Variants in NEIL1 observed in about 807,000 individuals in gnomAD.
NEIL1 encodes the protein nei like DNA glycosylase 1.
Under a neutral mutation model 44.2 loss-of-function variants are expected in NEIL1, and 31 were observed. The observed-to-expected ratio is 0.70, with a 90% CI of 0.53 to 0.95. NEIL1 has a LOEUF of 0.95. Among genes scored for constraint, NEIL1 ranks in the 40% least tolerant of loss-of-function variants. The pLI, the probability that NEIL1 is intolerant of heterozygous loss-of-function variation, is 0.00. For synonymous variants in NEIL1, 254 were observed against 209.7 expected (o/e 1.21, Z -1.83); for missense variants, 549 against 515.5 (o/e 1.07, Z -0.63).
chr15:75,350,417 G>A (rs1249970663), intron 2 of NEIL1, among the ~76,000 whole-genome samples: 1 of 152,174 alleles, frequency 6.6e-6, no homozygotes, highest in Non-Finnish European at 1.5e-5. Flanking sequence ...TTGGCCGAGG[G>A]TGGGGGTACA....
chr15:75,356,078 G>T lies in NEIL1; in HGVS notation c.*1044G>T, dbSNP rs186846962. On this transcript the variant is annotated 3_prime_UTR_variant, in exon 10 of 10. Coordinates refer to ENST00000355059, the MANE Select transcript of NEIL1 (RefSeq NM_024608.4). The surrounding 1 kb of genome is among the most constrained non-coding windows in gnomAD (Gnocchi z 5.8). ...TGAAGGCTCTGCGAGGGCGAGACTC[G>T]ACCCCCGCCCCAATCCCACACCGCC... 2.5e-6 allele frequency: 4 copies of T among 1,613,302 alleles called. No individual in the cohort carries two copies. In the South Asian group the frequency reaches 4.4e-5, roughly 18 times the overall value.
chr15:75,354,417 C>T lies in NEIL1; in HGVS notation c.875-14C>T, dbSNP rs750983114. ...AGGATAGGACCCTCCAACTCCAACA[C>T]CAGTGTCCTGCAGGGCGCAAGTCCC... On this transcript the variant is annotated splice_polypyrimidine_tract_variant and intron_variant, in intron 7 of 9. Transcript: ENST00000355059. The T allele has an allele frequency of 3.1e-6, 5 of 1,614,042 alleles. No homozygotes were observed. Among genetic ancestry groups the T allele is most frequent in the Non-Finnish European group, 4.2e-6 (5 of 1,179,994 alleles).
chr15:75,352,898 G>T, intron 5 of NEIL1, 197 bp downstream of exon 5: 1 of 543,770 alleles, frequency 1.8e-6, no homozygotes, highest in Admixed American at 3.0e-5. Flanking sequence ...CCAGCACTTC[G>T]GGAGGCCGAG....
In NEIL1 at chr15:75,356,131, A is replaced by G. The variant is rs770019171; in HGVS notation, c.*1097A>G. On this transcript the variant is annotated 3_prime_UTR_variant, in exon 10 of 10. Coordinates refer to ENST00000355059, the MANE Select transcript of NEIL1 (RefSeq NM_024608.4). The surrounding 1 kb of genome is among the most constrained non-coding windows in gnomAD (Gnocchi z 5.8). ...TCACAGGATGGCCTCCTGAACCGGC[A>G]GCGACAAGTGCAGCCAGCAGTCCAC... 12 of 1,613,672 alleles carry G rather than the reference A, an allele frequency of 7.4e-6. No individual in the cohort carries two copies. Among genetic ancestry groups the G allele is most frequent in the South Asian group, 1.1e-5 (1 of 91,086 alleles).
chr15:75,354,867 G>A lies in NEIL1; in HGVS notation c.1102+49G>A, dbSNP rs1001128493. ...GAAACTGGCTCTACAGGAGAGGATG[G>A]GATGGTGGCCTAGGAGCGCGTGTAC... On this transcript the variant is annotated intron_variant, in intron 9 of 9. Transcript: ENST00000355059. 6.2e-6 allele frequency: 10 copies of A among 1,613,180 alleles called. No homozygotes were observed. In the Middle Eastern group the frequency reaches 5.0e-4, roughly 80 times the overall value.
Position 75,352,108 on chromosome 15 carries a change from C to G in NEIL1, c.435-3C>G, listed in dbSNP as rs752848357. The G allele has an allele frequency of 1.2e-6, 2 of 1,614,134 alleles. No homozygotes were observed. The highest frequency in any genetic ancestry group is 1.7e-6 in the Non-Finnish European group (2 of 1,180,000). On this transcript the variant is annotated splice_region_variant and splice_polypyrimidine_tract_variant and intron_variant, in intron 2 of 9. Coordinates refer to ENST00000355059, the MANE Select transcript of NEIL1 (RefSeq NM_024608.4). Reference sequence around the variant, plus strand: ...CTTACGCACCCAGACCGTGTTCCTCCAGGGAGAATGTGCTACGAAACCTAG... The same window carrying G: ...CTTACGCACCCAGACCGTGTTCCTCGAGGGAGAATGTGCTACGAAACCTAG...
rs2071652349 is a variant in NEIL1 at position 75,348,879 on chromosome 15, A to G, written c.-22-5A>G. On this transcript the variant is annotated splice_polypyrimidine_tract_variant and splice_region_variant and intron_variant, in intron 1 of 9. Transcript: ENST00000355059. ...GGCTCAACCCGCTGCCTTCCTCCCC[A>G]ACAGGACTCTGCCACCCTCCCTCAG... 2 of 1,604,988 alleles carry G rather than the reference A, an allele frequency of 1.2e-6. No individual in the cohort carries two copies. The highest frequency in any genetic ancestry group is 2.2e-5 in the East Asian group (1 of 44,796).
intron 5 of NEIL1, chr15:75,353,249 A>ACACACG (rs1264027493): frequency 4.0e-6 from 1 of 250,760 alleles, no homozygotes; most frequent in Non-Finnish European, 8.0e-6. Context: ...ACACACACAC[A>ACACACG]CGCACGTTTA....
At chr15:75,351,161 T>C in intron 2 of NEIL1, 1 of 431,604 alleles carries the variant, frequency 2.3e-6, no homozygotes, top group South Asian at 1.7e-5. Flanking sequence ...CCACAAATGC[T>C]ATACAGGGAG....
rs748772782 is a variant in NEIL1 at position 75,356,820 on chromosome 15, A to G, written c.*1786A>G. ...CGAGAGGCTGAGGATGCTGCCTCGC[A>G]CTGACGCGCCATACTTGCAGTCGTT... On this transcript the variant is annotated 3_prime_UTR_variant, in exon 10 of 10. Transcript: ENST00000355059. The surrounding 1 kb of genome is among the most constrained non-coding windows in gnomAD (Gnocchi z 5.8). The G allele has an allele frequency of 9.3e-6, 15 of 1,613,958 alleles. No individual in the cohort carries two copies. In the African/African-American group the frequency reaches 2.0e-4, roughly 22 times the overall value.
At position 75,356,493 on chromosome 15, in the gene NEIL1, A is replaced by G. The variant is rs1229945461; in HGVS notation, c.*1459A>G. 6.4e-7 allele frequency: 1 copy of G among 1,567,772 alleles called. No individual in the cohort carries two copies. ...ACAATGCTGGTGGAGAATGGGGGCTACCCTCCCCTGTCCCTAGAAGGGGCA... is the reference window on the plus strand; with the variant it reads ...ACAATGCTGGTGGAGAATGGGGGCTGCCCTCCCCTGTCCCTAGAAGGGGCA... On this transcript the variant is annotated 3_prime_UTR_variant, in exon 10 of 10. Transcript: ENST00000355059. The surrounding 1 kb of genome is among the most constrained non-coding windows in gnomAD (Gnocchi z 5.8).
rs1042455542 is a variant in NEIL1 at position 75,355,627 on chromosome 15, G to A, written c.*593G>A. 33 of 390,734 alleles carry A rather than the reference G, an allele frequency of 8.4e-5. No individual in the cohort carries two copies. Among genetic ancestry groups the A allele is most frequent in the South Asian group, 8.1e-4 (28 of 34,510 alleles). The allele number at this position is 390,734 out of a possible 1,614,324, so 24.2% of individuals were successfully genotyped here. On this transcript the variant is annotated 3_prime_UTR_variant, in exon 10 of 10. Coordinates refer to ENST00000355059, the MANE Select transcript of NEIL1 (RefSeq NM_024608.4). ...TCTCTTCACTGGCTTTTGGTGGCTC[G>A]AGGTCCCCAGTCTCTCCTGTGGGGG...
In NEIL1 at chr15:75,355,330, C is replaced by G; in HGVS notation, c.*296C>G. On this transcript the variant is annotated 3_prime_UTR_variant, in exon 10 of 10. Transcript: ENST00000355059. ...TGGTGACAGAAGGCCCAGCTCCTCA[C>G]AAGGCAAACTGAGCCCCCATCCCAG... 2.7e-6 allele frequency: 1 copy of G among 374,462 alleles called. No homozygotes were observed. The highest frequency in any genetic ancestry group is 4.9e-6 in the Non-Finnish European group (1 of 203,496). 23.2% of individuals were successfully genotyped at this position (374,462 alleles called of 1,614,324 possible). A position where few individuals can be genotyped will look rare whatever the true frequency, so the allele number is the denominator to read the frequency against.
intron 2 of NEIL1, among the ~76,000 whole-genome samples, chr15:75,351,109 T>C (rs1355049882): frequency 6.6e-6 from 1 of 152,086 alleles, no homozygotes. Flanking sequence ...TTGAGAAGAA[T>C]GGACCCTACC....
At chr15:75,348,291 G>A in intron 1 of NEIL1, 1 of 983,234 alleles carries the variant, frequency 1.0e-6, no homozygotes, top group Non-Finnish European at 1.2e-6. Flanking sequence ...GGCCGCTCCC[G>A]CCGCTCCCCC....
Position 75,349,027 on chromosome 15 carries a change from A to G in NEIL1, c.122A>G (p.Glu41Gly), listed in dbSNP as rs1391355960. 7.4e-6 allele frequency: 12 copies of G among 1,613,758 alleles called. 1 individual carries two copies. In the East Asian group the frequency reaches 2.2e-4, roughly 30 times the overall value. The change falls in exon 2 of 10, where the codon GAG becomes GGG. Residue 41 changes from glutamate (E) to glycine (G), a missense_variant. Glu to Gly is a moderately conservative substitution (Grantham distance 98). Transcript: ENST00000355059. ...SVSRNPEVPF[E>G]SSAYRISASA... ...AGCCGCAACCCTGAGGTGCCCTTTG[A>G]GAGCAGTGCCTACCGCATCTCAGCT...
rs5745932 is a variant in NEIL1 at position 75,355,388 on chromosome 15, T to C, written c.*354T>C. ...GGCTCTGACTCTATCAGAGGACAGT[T>C]TGCCTCTGCAAGGACAGCCCCTCAG... On this transcript the variant is annotated 3_prime_UTR_variant, in exon 10 of 10. Coordinates refer to ENST00000355059, the MANE Select transcript of NEIL1 (RefSeq NM_024608.4). 391 of 264,058 alleles carry C rather than the reference T, an allele frequency of 1.5e-3. 1 individual carries two copies. Among genetic ancestry groups the C allele is most frequent in the African/African-American group, 8.2e-3 (360 of 43,976 alleles). 16.4% of individuals were successfully genotyped at this position (264,058 alleles called of 1,614,324 possible).
At chr15:75,353,075 AG>A (rs1349721864) in intron 5 of NEIL1, 2 of 207,734 alleles carry the variant, frequency 9.6e-6, no homozygotes, top group African/African-American at 4.8e-5. Flanking sequence ...CAGGAGGTGG[AG>A]GTTGCAGTTG....
chr15:75,349,430 GC>G, intron 2 of NEIL1, 91 bp downstream of exon 2: 1 of 1,256,604 alleles, frequency 8.0e-7, no homozygotes, highest in Non-Finnish European at 1.1e-6. Flanking sequence ...GCGAGTCCCT[GC>G]CCCTTCTGGG....
Sources: allele counts gnomAD v4.1 joint callset (sites outside exome capture counted in the v4.1 genomes callset), GRCh38; gene constraint gnomAD v4.1.1; non-coding constraint Gnocchi (gnomAD v3.1); transcripts MANE v1.5; gene names NCBI Gene and HGNC (gene_info 2026-07-23, HGNC 2026-07-21).